Variants in UGGT2 observed in about 807,000 individuals in gnomAD.
The protein encoded by UGGT2 is UDP-glucose:glycoprotein glucosyltransferase 2.
Under a neutral mutation model 192.1 loss-of-function variants are expected in UGGT2, and 180 were observed. The ratio of observed to expected loss-of-function variants is 0.94; its 90% CI spans 0.83 to 1.06. UGGT2 has a LOEUF of 1.06. UGGT2 is among the 50% of genes least tolerant of loss of function. The probability of loss-of-function intolerance (pLI) is 0.00; values close to 1 mark genes in which losing one functional copy is unlikely to be tolerated. For missense variants in UGGT2, 1,849 were observed against 1,795.7 expected (o/e 1.03, Z -0.54); for synonymous variants, 580 against 591.0 (o/e 0.98, Z 0.27).
chr13:95,980,981 G>C (rs918437375), intron 10 of UGGT2, among the ~76,000 whole-genome samples: 1 of 152,310 alleles, frequency 6.6e-6, no homozygotes, highest in East Asian at 1.9e-4. Flanking sequence ...CTGGGTGACA[G>C]AGCAAGACTC....
chr13:95,839,235 T>C (rs757317166), intron 36 of UGGT2, among the ~76,000 whole-genome samples: 1 of 152,098 alleles, frequency 6.6e-6, no homozygotes, highest in South Asian at 2.1e-4. Flanking sequence ...CTGTCAATTA[T>C]ATATATGGGT....
At chr13:95,879,331 A>G (rs543375083) in intron 27 of UGGT2, among the ~76,000 whole-genome samples, 1 of 152,340 alleles carries the variant, frequency 6.6e-6, no homozygotes, top group South Asian at 2.1e-4. Flanking sequence ...ACATACAAAC[A>G]TAGCCAATTC....
chr13:96,030,040 T>C (rs1384138094), intron 2 of UGGT2, among the ~76,000 whole-genome samples: 1 of 152,172 alleles, frequency 6.6e-6, no homozygotes, highest in African/African-American at 2.4e-5. Context: ...CTAGGACAAA[T>C]ATGAGGACAA....
chr13:95,932,660 C>G (rs936406249), intron 17 of UGGT2, among the ~76,000 whole-genome samples: 1 of 152,086 alleles, frequency 6.6e-6, no homozygotes, highest in African/African-American at 2.4e-5. Flanking sequence ...GCATCCTTTT[C>G]CTGTTCCAGT....
intron 38 of UGGT2, among the ~76,000 whole-genome samples, chr13:95,820,763 CT>C (rs1885427666): frequency 6.6e-6 from 1 of 151,816 alleles, no homozygotes; most frequent in East Asian, 1.9e-4. Flanking sequence ...CTTTTCCCTC[CT>C]TCTGCCTCAA....
In UGGT2 at chr13:96,013,417, C is replaced by G. The variant is rs769868774; in HGVS notation, c.550G>C (p.Val184Leu). Reference sequence around the variant, plus strand: ...GTACCCATTTCGGCATAGAGAATCACCACTGGTAAGTTCTCTTTGTTTGTA... The same window carrying G: ...GTACCCATTTCGGCATAGAGAATCAGCACTGGTAAGTTCTCTTTGTTTGTA... ...FPTNKENLPV[V>L]ILYAEMGTRT... Residue 184 changes from valine (V) to leucine (L), a missense_variant, in exon 5 of 39, where the codon GTG becomes CTG. Physicochemically the swap from Val to Leu is conservative, Grantham distance 32. Coordinates refer to ENST00000376747, the MANE Select transcript of UGGT2 (RefSeq NM_020121.4). 1.2e-6 allele frequency: 2 copies of G among 1,608,244 alleles called. No individual in the cohort carries two copies. The highest frequency in any genetic ancestry group is 2.2e-5 in the East Asian group (1 of 44,588).
chr13:95,831,523 T>C (rs898152487), intron 38 of UGGT2, among the ~76,000 whole-genome samples: 5 of 152,162 alleles, frequency 3.3e-5, no homozygotes, highest in Admixed American at 6.6e-5. Context: ...CAATTGTCTA[T>C]TGATGGACAG....
chr13:95,923,368 CT>C (rs67003679), intron 20 of UGGT2, among the ~76,000 whole-genome samples: 40,827 of 119,054 alleles, frequency 0.34, 5,226 homozygotes, highest in Non-Finnish European at 0.36. Flanking sequence ...TCAGCATATT[CT>C]TTTTTTTTTT....
chr13:96,015,580 A>G (rs1441883093), intron 4 of UGGT2, among the ~76,000 whole-genome samples: 1 of 152,198 alleles, frequency 6.6e-6, no homozygotes, highest in Non-Finnish European at 1.5e-5. Flanking sequence ...ATCTTTGAAA[A>G]TTAAATAATT....
chr13:95,801,595 G>T lies in UGGT2; in HGVS notation c.*195C>A. On this transcript the variant is annotated 3_prime_UTR_variant, in exon 39 of 39. Transcript: ENST00000376747. ...AACAATCAGGTTTTAAATACTCAAT[G>T]GTCATTTATTATATAACTTAAACTC... 1 of 515,040 alleles carries T rather than the reference G, an allele frequency of 1.9e-6. No homozygotes were observed. The highest frequency in any genetic ancestry group is 3.3e-6 in the Non-Finnish European group (1 of 301,466). The allele number at this position is 515,040 out of a possible 1,614,324, so 31.9% of individuals were successfully genotyped here. A position where few individuals can be genotyped will look rare whatever the true frequency, so the allele number is the denominator to read the frequency against.
chr13:95,801,773 T>C lies in UGGT2; in HGVS notation c.*17A>G. ...TTTCCTGTCATGCTTTCGCCTTCCT[T>C]CTCATATACACCAGTGCTAGAGTTC... On this transcript the variant is annotated 3_prime_UTR_variant, in exon 39 of 39. Transcript: ENST00000376747. 4 of 1,611,304 alleles carry C rather than the reference T, an allele frequency of 2.5e-6. No homozygotes were observed. The highest frequency in any genetic ancestry group is 3.4e-6 in the Non-Finnish European group (4 of 1,178,732).
At chr13:95,991,713 T>C (rs2051463511) in intron 7 of UGGT2, among the ~76,000 whole-genome samples, 1 of 152,206 alleles carries the variant, frequency 6.6e-6, no homozygotes, top group Non-Finnish European at 1.5e-5. Flanking sequence ...TATCAGATTA[T>C]AAGTTTATAA....
intron 20 of UGGT2, among the ~76,000 whole-genome samples, chr13:95,912,707 T>A (rs556494141): frequency 1.3e-5 from 2 of 152,102 alleles, no homozygotes; most frequent in African/African-American, 4.8e-5. Flanking sequence ...AAGCTACCAA[T>A]GACTTTCTTC....
chr13:95,856,525 A>C, intron 33 of UGGT2, 185 bp from the exon 34 acceptor site: 1 of 562,796 alleles, frequency 1.8e-6, no homozygotes, highest in Non-Finnish European at 3.0e-6. Flanking sequence ...ACAAATATGA[A>C]ATCACAAGTA....
At chr13:96,050,058 C>G (rs2053438992) in intron 1 of UGGT2, among the ~76,000 whole-genome samples, 1 of 152,200 alleles carries the variant, frequency 6.6e-6, no homozygotes. Context: ...CTGGAGGCAT[C>G]ACGCTACCTG....
chr13:96,001,774 C>T (rs889863100), intron 5 of UGGT2, among the ~76,000 whole-genome samples: 31 of 152,120 alleles, frequency 2.0e-4, no homozygotes, highest in Non-Finnish European at 4.1e-4. Flanking sequence ...TAGATTTTCT[C>T]CCACCTTGCC....
At chr13:96,018,394 T>C (rs1424658185) in intron 4 of UGGT2, among the ~76,000 whole-genome samples, 1 of 152,134 alleles carries the variant, frequency 6.6e-6, no homozygotes, top group Admixed American at 6.6e-5. Context: ...TTTGTACCTG[T>C]AGTCCCATCT....
chr13:95,966,076 A>G (rs2050570607), intron 12 of UGGT2, among the ~76,000 whole-genome samples: 1 of 152,222 alleles, frequency 6.6e-6, no homozygotes, highest in South Asian at 2.1e-4. Context: ...CAACATCTCA[A>G]AGAGATACCT....
chr13:95,881,691 A>G (rs750552545), intron 27 of UGGT2, among the ~76,000 whole-genome samples: 14 of 152,174 alleles, frequency 9.2e-5, no homozygotes, highest in Non-Finnish European at 1.9e-4. Flanking sequence ...TATTCCTGTT[A>G]GCAATCTTTT....
Sources: allele counts gnomAD v4.1 joint callset (sites outside exome capture counted in the v4.1 genomes callset), GRCh38; gene constraint gnomAD v4.1.1; transcripts MANE v1.5; gene names NCBI Gene and HGNC (gene_info 2026-07-23, HGNC 2026-07-21).